JMY: variants seen among roughly 807,000 people sequenced by gnomAD.
The protein encoded by JMY is junction-mediating and -regulatory protein.
In JMY, 46 loss-of-function variants were observed where a neutral mutation model predicts 103.3. That is an observed-to-expected ratio of 0.45 (90% confidence interval 0.35 to 0.57). JMY has a LOEUF of 0.57. JMY is among the 20% of genes least tolerant of loss of function. The probability of loss-of-function intolerance (pLI) is 0.00; values close to 1 mark genes in which losing one functional copy is unlikely to be tolerated. For synonymous variants in JMY, 526 were observed against 489.3 expected, an observed-to-expected ratio of 1.07 and a Z score of -0.99; for missense variants, 1,238 against 1,255.2, an observed-to-expected ratio of 0.99 and a Z score of 0.21.
intron 1 of JMY, among the ~76,000 whole-genome samples, chr5:79,244,742 C>G (rs1744840510): frequency 6.6e-6 from 1 of 151,680 alleles, no homozygotes; most frequent in African/African-American, 2.4e-5. Flanking sequence ...CTGAATCTGC[C>G]TGATTCACTC....
chr5:79,268,633 G>A (rs1452628166), intron 1 of JMY, among the ~76,000 whole-genome samples: 6 of 151,906 alleles, frequency 3.9e-5, no homozygotes, highest in South Asian at 2.1e-4. Context: ...GACTACAGGC[G>A]CCCACCACCA....
At chr5:79,318,469 G>A (rs2112124783) in intron 10 of JMY, among the ~76,000 whole-genome samples, 1 of 152,208 alleles carries the variant, frequency 6.6e-6, no homozygotes, top group East Asian at 1.9e-4. Context: ...ATTACTGAAA[G>A]CAGTTTCACC....
At chr5:79,266,207 A>G (rs182967963) in intron 1 of JMY, among the ~76,000 whole-genome samples, 89 of 152,198 alleles carry the variant, frequency 5.8e-4, no homozygotes, top group African/African-American at 2.1e-3. Flanking sequence ...TTTGTTTGGG[A>G]GTTTGATTAA....
At position 79,300,914 on chromosome 5, in the gene JMY, T is replaced by G. The variant is rs751477962; in HGVS notation, c.1881+51T>G. The G allele has an allele frequency of 3.5e-6, 5 of 1,420,592 alleles. No homozygotes were observed. The African/African-American group carries it at 7.2e-5, about 21-fold the overall frequency. The allele number at this position is 1,420,592 out of a possible 1,614,324, so 88.0% of individuals were successfully genotyped here. ...TATTTAGTCTTTTATCCGTATCTAC[T>G]AATCTCATCTGTTTTGTCTTTAAAA... On this transcript the variant is annotated intron_variant, in intron 6 of 10. Transcript: ENST00000396137.
rs57848125 is a variant in JMY, at chr5:79,300,571, G to C, written c.1694-105G>C. The C allele has an allele frequency of 9.8e-3, 8,585 of 877,104 alleles. 472 individuals are homozygous for C. In the African/African-American group the frequency reaches 0.13, roughly 13 times the overall value. 54.3% of individuals were successfully genotyped at this position (877,104 alleles called of 1,614,324 possible). The stretch of plus-strand genomic sequence containing the variant: ...CTTACAAAGAAGCTTAAGAGATAAT[G>C]GCTTTGCCTGAGGTTGCAGAGCCAG... On this transcript the variant is annotated intron_variant, in intron 5 of 10. Coordinates refer to ENST00000396137, the MANE Select transcript of JMY (RefSeq NM_152405.5).
At chr5:79,301,434 T>G (rs1455273394) in intron 6 of JMY, among the ~76,000 whole-genome samples, 1 of 152,230 alleles carries the variant, frequency 6.6e-6, no homozygotes, top group East Asian at 1.9e-4. Flanking sequence ...ACTGATTCGC[T>G]TTAAGCTCAA....
chr5:79,248,714 T>C (rs1744985112), intron 1 of JMY, among the ~76,000 whole-genome samples: 1 of 152,124 alleles, frequency 6.6e-6, no homozygotes, highest in Non-Finnish European at 1.5e-5. Context: ...GGGAGGACAG[T>C]TAAGGATGTT....
Position 79,237,318 on chromosome 5 carries a change from C to T in JMY, c.668C>T (p.Pro223Leu), listed in dbSNP as rs773031347. Reference protein sequence around the residue: ...QPPPATELESPAEECSWAGLF... With the variant: ...QPPPATELESLAEECSWAGLF... ...CCGCCCGCCACCGAGCTGGAGTCTC[C>T]GGCCGAAGAGTGCAGCTGGGCCGGA... is the stretch of plus-strand genomic sequence containing the variant. The change falls in exon 1 of 11, where the codon CCG (proline) becomes CTG (leucine). Residue 223 changes from proline (P) to leucine (L), a missense_variant. Pro to Leu is a moderately conservative substitution (Grantham distance 98). Transcript: ENST00000396137. The T allele has an allele frequency of 1.2e-5, 19 of 1,575,476 alleles. No individual in the cohort carries two copies. Among genetic ancestry groups the T allele is most frequent in the South Asian group, 1.0e-4 (9 of 87,314 alleles).
intron 1 of JMY, among the ~76,000 whole-genome samples, chr5:79,270,595 AAT>A (rs1491023887): frequency 2.3e-5 from 2 of 85,384 alleles, no homozygotes; most frequent in African/African-American, 7.9e-5. Flanking sequence ...AAATATTTAA[AAT>A]GTATATTTAC....
chr5:79,237,969 G>T (rs1294428105), intron 1 of JMY, among the ~76,000 whole-genome samples: 3 of 152,088 alleles, frequency 2.0e-5, no homozygotes, highest in Non-Finnish European at 4.4e-5. Flanking sequence ...AAGCCACTAA[G>T]AAAAGTGTTC....
At chr5:79,265,818 T>C (rs1208494615) in intron 1 of JMY, among the ~76,000 whole-genome samples, 1 of 150,430 alleles carries the variant, frequency 6.6e-6, no homozygotes, top group Admixed American at 6.6e-5. Context: ...AATTTCACTC[T>C]TGTCCAGGCT....
At chr5:79,321,017 G>A (rs1480428147) in intron 10 of JMY, among the ~76,000 whole-genome samples, 1 of 152,190 alleles carries the variant, frequency 6.6e-6, no homozygotes, top group Admixed American at 6.5e-5. Context: ...AACTAGATCA[G>A]TCACACTAGA....
At chr5:79,289,096 G>A (rs113759749) in intron 2 of JMY, among the ~76,000 whole-genome samples, 6 of 152,022 alleles carry the variant, frequency 3.9e-5, no homozygotes, top group African/African-American at 1.2e-4. Flanking sequence ...TTAGCCGAGT[G>A]TGGTGGCGGG....
chr5:79,302,102 AC>A (rs1293190675), intron 6 of JMY, among the ~76,000 whole-genome samples: 3 of 150,636 alleles, frequency 2.0e-5, no homozygotes, highest in Admixed American at 6.6e-5. Context: ...AAAAAAAAAA[AC>A]ATTGCAGTGA....
At chr5:79,273,614 C>T (rs1745847562) in intron 1 of JMY, among the ~76,000 whole-genome samples, 2 of 152,078 alleles carry the variant, frequency 1.3e-5, no homozygotes, top group African/African-American at 2.4e-5. Context: ...TTTCTCTTCT[C>T]CTCTGGAACT....
At chr5:79,295,586 A>G (rs1280738445) in intron 4 of JMY, among the ~76,000 whole-genome samples, 2 of 152,256 alleles carry the variant, frequency 1.3e-5, no homozygotes, top group Non-Finnish European at 2.9e-5. Context: ...AAAAAGATAC[A>G]TAATTTCCAT....
intron 2 of JMY, among the ~76,000 whole-genome samples, chr5:79,289,555 A>T (rs537445162): frequency 6.6e-6 from 1 of 152,270 alleles, no homozygotes; most frequent in South Asian, 2.1e-4. Flanking sequence ...TTTTAATATT[A>T]TCACTTCTTT....
intron 4 of JMY, among the ~76,000 whole-genome samples, chr5:79,298,080 G>A (rs996013896): frequency 1.3e-5 from 2 of 152,112 alleles, no homozygotes; most frequent in African/African-American, 4.8e-5. Flanking sequence ...CCAAGAGATT[G>A]GGCAGGAGAG....
chr5:79,276,662 A>G (rs1002731179), intron 1 of JMY, among the ~76,000 whole-genome samples: 1 of 152,022 alleles, frequency 6.6e-6, no homozygotes, highest in African/African-American at 2.4e-5. Context: ...GCTGGAGTTC[A>G]GTGGCGTGAT....
Sources: allele counts gnomAD v4.1 joint callset (sites outside exome capture counted in the v4.1 genomes callset), GRCh38; gene constraint gnomAD v4.1.1; transcripts MANE v1.5; gene names NCBI Gene and HGNC (gene_info 2026-07-23, HGNC 2026-07-21).